TRPC4: variants seen among roughly 807,000 people sequenced by gnomAD.
TRPC4 encodes the protein transient receptor potential cation channel subfamily C member 4, also known as short transient receptor potential channel 4.
A neutral mutation model predicts 99.4 loss-of-function variants in TRPC4; 49 were observed. That is an observed-to-expected ratio of 0.49 (90% CI 0.39 to 0.63). The LOEUF (loss-of-function observed/expected upper bound fraction) is 0.63. TRPC4 is among the 20% of genes least tolerant of loss of function. The pLI is 0.00. For missense variants in TRPC4, 898 were observed against 1,152.9 expected (o/e 0.78, Z 3.20); for synonymous variants, 454 against 425.9 (o/e 1.07, Z -0.81).
intron 1 of TRPC4, among the ~76,000 whole-genome samples, chr13:37,786,569 C>CAA (rs1378672076): frequency 6.6e-6 from 1 of 152,060 alleles, no homozygotes; most frequent in African/African-American, 2.4e-5. Context: ...AGCTGACACA[C>CAA]TTATCATCTA....
At position 37,811,915 on chromosome 13, in the gene TRPC4, C is replaced by T. The variant is rs111755199; in HGVS notation, c.-27-28555G>A. 7.0e-3 allele frequency among the ~76,000 whole-genome samples: 1,067 copies of T among 152,076 alleles called. 12 individuals are homozygous for T. Among genetic ancestry groups the T allele is most frequent in the African/African-American group, 0.025 (1,024 of 41,490 alleles). On this transcript the variant is annotated intron_variant, in intron 1 of 10. Coordinates refer to ENST00000379705, the MANE Select transcript of TRPC4 (RefSeq NM_016179.4). ...TGGTGGCTCACGCCTGTAATCCCAA[C>T]ATTTTGGGAGGCCAAGGCAGGAAGA...
At chr13:37,754,905 T>C (rs1956057708) in intron 2 of TRPC4, among the ~76,000 whole-genome samples, 1 of 152,162 alleles carries the variant, frequency 6.6e-6, no homozygotes, top group African/African-American at 2.4e-5. Context: ...CACCTTGAAG[T>C]GACTCAGCAC....
At chr13:37,739,432 C>T (rs1219243518) in intron 3 of TRPC4, among the ~76,000 whole-genome samples, 3 of 151,856 alleles carry the variant, frequency 2.0e-5, no homozygotes. Flanking sequence ...TCATGTTTCT[C>T]TCAGTAATCT....
At chr13:37,864,066 G>T (rs1444234091) in intron 1 of TRPC4, among the ~76,000 whole-genome samples, 1 of 151,606 alleles carries the variant, frequency 6.6e-6, no homozygotes. Flanking sequence ...AAACTCTATT[G>T]TCAATGAAGT....
intron 8 of TRPC4, among the ~76,000 whole-genome samples, chr13:37,641,193 A>G (rs1182349899): frequency 6.6e-6 from 1 of 152,184 alleles, no homozygotes; most frequent in African/African-American, 2.4e-5. Context: ...TACAAATATA[A>G]AAAGGTCAAA....
chr13:37,793,750 G>C (rs999165925), intron 1 of TRPC4, among the ~76,000 whole-genome samples: 5 of 152,106 alleles, frequency 3.3e-5, no homozygotes, highest in African/African-American at 1.2e-4. Flanking sequence ...AAATGATGCA[G>C]TTAAGGAATT....
rs984529056 is a variant in TRPC4, at chr13:37,781,351, T to C, written c.378+1605A>G. Among the ~76,000 whole-genome samples the C allele has an allele frequency of 2.6e-5, 4 of 152,192 alleles. No homozygotes were observed. In the East Asian group the frequency reaches 7.8e-4, roughly 30 times the overall value. On this transcript the variant is annotated intron_variant, in intron 2 of 10. Coordinates refer to ENST00000379705, the MANE Select transcript of TRPC4 (RefSeq NM_016179.4). ...TATATAGACATAAAATAAGAGAGTG[T>C]ACAATATAATATCATTGCTATTAGA...
At chr13:37,724,395 G>A (rs1593593104) in intron 3 of TRPC4, among the ~76,000 whole-genome samples, 1 of 152,124 alleles carries the variant, frequency 6.6e-6, no homozygotes, top group African/African-American at 2.4e-5. Flanking sequence ...CAATGAATTA[G>A]AAATGGTAAA....
chr13:37,832,780 C>T (rs1211375628), intron 1 of TRPC4, among the ~76,000 whole-genome samples: 1 of 151,926 alleles, frequency 6.6e-6, no homozygotes, highest in South Asian at 2.1e-4. Context: ...AAAATATATG[C>T]TTTAAATGTA....
intron 1 of TRPC4, among the ~76,000 whole-genome samples, chr13:37,842,343 CAAAAAAAAA>C (rs57428116): frequency 5.8e-3 from 90 of 15,642 alleles, no homozygotes; most frequent in African/African-American, 0.016. Flanking sequence ...AGCGTCTAGC[CAAAAAAAAA>C]AAAAAAAAAA....
At chr13:37,737,674 A>G (rs1328220946) in intron 3 of TRPC4, among the ~76,000 whole-genome samples, 2 of 151,996 alleles carry the variant, frequency 1.3e-5, no homozygotes, top group African/African-American at 2.4e-5. Flanking sequence ...GAATTTTGCT[A>G]TGTTGCCCAA....
At chr13:37,705,936 C>T (rs1383313515) in intron 3 of TRPC4, among the ~76,000 whole-genome samples, 1 of 134,810 alleles carries the variant, frequency 7.4e-6, no homozygotes, top group Non-Finnish European at 1.6e-5. Flanking sequence ...TTAACCATCT[C>T]CTGATTTTTC....
At chr13:37,776,390 T>C (rs1286083138) in intron 2 of TRPC4, among the ~76,000 whole-genome samples, 1 of 151,864 alleles carries the variant, frequency 6.6e-6, no homozygotes, top group Non-Finnish European at 1.5e-5. Flanking sequence ...CAATATGGGA[T>C]AAGTATTTTA....
rs1334784268 is a variant in TRPC4, at chr13:37,851,919, C to G, written c.-28+17676G>C. Among the ~76,000 whole-genome samples, 4 of 152,222 alleles carry G rather than the reference C, an allele frequency of 2.6e-5. No homozygotes were observed. In the East Asian group the frequency reaches 7.7e-4, roughly 29 times the overall value. On this transcript the variant is annotated intron_variant, in intron 1 of 10. Transcript: ENST00000379705. ...AAGCCTTGCTGGACTCAGCCAGTGC[C>G]TGTGCACAGAGGGAGCATTTGAACT... is the stretch of plus-strand genomic sequence containing the variant.
chr13:37,691,955 G>C, intron 4 of TRPC4, 44 bp downstream of exon 4: 2 of 1,533,748 alleles, frequency 1.3e-6, no homozygotes, highest in Non-Finnish European at 1.8e-6. Context: ...AAATTCCGTG[G>C]CAGTAACATG....
rs116595884 is a variant in TRPC4, at chr13:37,746,571, T to C, written c.379-116A>G. On this transcript the variant is annotated intron_variant, in intron 2 of 10. Transcript: ENST00000379705. ...GGTTTATATGTCCTTGGCCGGGTTT[T>C]TTTTTTTTTGTAGGAGAGATATGGT... 2,245 of 1,219,798 alleles carry C rather than the reference T, an allele frequency of 1.8e-3. 42 individuals carry two copies. The African/African-American group carries it at 0.032, about 17-fold the overall frequency. The allele number at this position is 1,219,798 out of a possible 1,614,324, so 75.6% of individuals were successfully genotyped here.
At chr13:37,707,787 T>C (rs1954337367) in intron 3 of TRPC4, among the ~76,000 whole-genome samples, 1 of 152,094 alleles carries the variant, frequency 6.6e-6, no homozygotes, top group South Asian at 2.1e-4. Context: ...ACTCCTTATA[T>C]TAGCTAGGAA....
At chr13:37,831,877 C>G (rs985053180) in intron 1 of TRPC4, among the ~76,000 whole-genome samples, 1 of 152,048 alleles carries the variant, frequency 6.6e-6, no homozygotes, top group Non-Finnish European at 1.5e-5. Context: ...TTACCAGAGT[C>G]TGGCAGGAGG....
At chr13:37,793,884 G>C (rs1480769785) in intron 1 of TRPC4, among the ~76,000 whole-genome samples, 1 of 152,146 alleles carries the variant, frequency 6.6e-6, no homozygotes, top group Non-Finnish European at 1.5e-5. Flanking sequence ...CGCTAGAGTT[G>C]TGTGGTAAAA....
Sources: allele counts gnomAD v4.1 joint callset (sites outside exome capture counted in the v4.1 genomes callset), GRCh38; gene constraint gnomAD v4.1.1; transcripts MANE v1.5; gene names NCBI Gene and HGNC (gene_info 2026-07-23, HGNC 2026-07-21).